The following SORCS3 variants were observed in gnomAD, a reference collection of about 807,000 sequenced individuals.
SORCS3 encodes the protein sortilin related VPS10 domain containing receptor 3, also known as VPS10 domain-containing receptor SorCS3.
SORCS3 carries 57 observed loss-of-function variants against 146.3 expected under a neutral mutation model. The observed-to-expected ratio is 0.39, with a 90% CI of 0.31 to 0.49. SORCS3 has a LOEUF of 0.49. SORCS3 is among the 20% of genes least tolerant of loss of function. The pLI is 0.92. For missense variants in SORCS3, 1,341 were observed against 1,575.5 expected (o/e 0.85, Z 2.52); for synonymous variants, 653 against 618.5 (o/e 1.06, Z -0.83).
intron 2 of SORCS3, among the ~76,000 whole-genome samples, chr10:104,897,429 T>C (rs1356101396): frequency 1.3e-5 from 2 of 152,218 alleles, no homozygotes; most frequent in Non-Finnish European, 2.9e-5. Context: ...GGGAGGCTTC[T>C]TGCATCACAG....
At chr10:105,241,533 GAC>G (rs983446403) in intron 20 of SORCS3, among the ~76,000 whole-genome samples, 1 of 152,230 alleles carries the variant, frequency 6.6e-6, no homozygotes, top group Non-Finnish European at 1.5e-5. Flanking sequence ...GGGCCAGTGT[GAC>G]AGTCTTTCTG....
At chr10:104,642,022 G>GGGGGGGGGGGGGGGGGGGGGGGGCCCCCC in intron 1 of SORCS3, 68 bp downstream of exon 1, 2 of 173,336 alleles carry the variant, frequency 1.2e-5, no homozygotes, top group African/African-American at 4.4e-5. Context: ...GGGTGGGTGG[G>GGGGGGGGGGGGGGGGGGGGGGGGCCCCCC]AGCGAGGGAC....
chr10:104,817,719 C>T (rs1446987590), intron 1 of SORCS3, among the ~76,000 whole-genome samples: 2 of 130,222 alleles, frequency 1.5e-5, no homozygotes, highest in African/African-American at 5.9e-5. Context: ...TCCCTCCCCT[C>T]CTCCTCTTCC....
chr10:105,254,351 A>G (rs966742518), intron 23 of SORCS3, among the ~76,000 whole-genome samples: 1 of 152,222 alleles, frequency 6.6e-6, no homozygotes, highest in Admixed American at 6.5e-5. Flanking sequence ...AGAGGGTTAT[A>G]AAGGCATGGA....
At chr10:105,243,995 C>T (rs1051022175) in intron 20 of SORCS3, among the ~76,000 whole-genome samples, 6 of 152,112 alleles carry the variant, frequency 3.9e-5, no homozygotes, top group African/African-American at 1.4e-4. Context: ...CAGCTCTGTG[C>T]TTCTGCAGCT....
intron 2 of SORCS3, among the ~76,000 whole-genome samples, chr10:104,895,049 A>G (rs77022062): frequency 5.3e-5 from 8 of 152,170 alleles, no homozygotes; most frequent in East Asian, 3.9e-4. Flanking sequence ...GTGGGGCTCC[A>G]GTGTGGTATG....
chr10:104,865,053 A>G (rs949988956), intron 2 of SORCS3, among the ~76,000 whole-genome samples: 1 of 152,182 alleles, frequency 6.6e-6, no homozygotes, highest in Non-Finnish European at 1.5e-5. Flanking sequence ...ACTTGTTATA[A>G]TAGTACCACT....
chr10:105,242,170 T>G (rs2056827388), intron 20 of SORCS3, among the ~76,000 whole-genome samples: 2 of 150,110 alleles, frequency 1.3e-5, no homozygotes, highest in South Asian at 4.2e-4. Context: ...ATTCTACCAT[T>G]TTACATTTCC....
chr10:105,110,394 C>T (rs1196540451), intron 7 of SORCS3, among the ~76,000 whole-genome samples: 1 of 151,842 alleles, frequency 6.6e-6, no homozygotes, highest in Non-Finnish European at 1.5e-5. Context: ...ATTTGTTTTT[C>T]CTGTCCCTTT....
At chr10:105,121,310 A>G (rs534713562) in intron 7 of SORCS3, among the ~76,000 whole-genome samples, 2 of 152,190 alleles carry the variant, frequency 1.3e-5, no homozygotes, top group Non-Finnish European at 2.9e-5. Context: ...TTATTTAATA[A>G]AACTTTAATC....
intron 19 of SORCS3, among the ~76,000 whole-genome samples, chr10:105,221,357 ACTACTAC>A (rs1159170894): frequency 1.3e-5 from 2 of 152,190 alleles, no homozygotes; most frequent in Admixed American, 6.5e-5. Flanking sequence ...CCTTAGAGGG[ACTACTAC>A]CCAATGACAG....
At chr10:105,019,548 T>A (rs765189192) in intron 4 of SORCS3, among the ~76,000 whole-genome samples, 231 of 152,214 alleles carry the variant, frequency 1.5e-3, no homozygotes, top group Non-Finnish European at 2.7e-3. Flanking sequence ...AGTGCCACTT[T>A]TCCATGAGGC....
At chr10:105,013,658 A>G (rs1055818509) in intron 4 of SORCS3, among the ~76,000 whole-genome samples, 12 of 152,246 alleles carry the variant, frequency 7.9e-5, no homozygotes, top group African/African-American at 2.9e-4. Flanking sequence ...AAATCTTAAA[A>G]CTCTTAAAAG....
intron 4 of SORCS3, among the ~76,000 whole-genome samples, chr10:105,004,570 T>C (rs1251611819): frequency 5.3e-5 from 8 of 152,104 alleles, no homozygotes; most frequent in Non-Finnish European, 1.0e-4. Context: ...TAACCTCTCC[T>C]CTCCTCTTCT....
intron 1 of SORCS3, among the ~76,000 whole-genome samples, chr10:104,756,696 A>G (rs2017056612): frequency 6.6e-6 from 1 of 152,204 alleles, no homozygotes; most frequent in Admixed American, 6.5e-5. Context: ...TGCCTGTGGC[A>G]TCCAGGCGGG....
At chr10:105,139,313 T>G in intron 7 of SORCS3, 84 bp from the exon 8 acceptor site, 1 of 983,626 alleles carries the variant, frequency 1.0e-6, no homozygotes, top group South Asian at 1.4e-5. Context: ...CCCATTGTGG[T>G]TGTTGATAGA....
intron 1 of SORCS3, among the ~76,000 whole-genome samples, chr10:104,698,540 C>T (rs374542433): frequency 1.3e-5 from 2 of 152,166 alleles, no homozygotes; most frequent in East Asian, 3.8e-4. Flanking sequence ...TTCTCTTTAA[C>T]AGAGGCACAC....
At position 105,262,106 on chromosome 10, in the gene SORCS3, T is replaced by C. The variant is rs1034093393; in HGVS notation, c.3444-225T>C. On this transcript the variant is annotated intron_variant, in intron 25 of 26. Coordinates refer to ENST00000369701, the MANE Select transcript of SORCS3 (RefSeq NM_014978.3). ...TTACCCACAGGAAAAGGTGCATTCC[T>C]CAGGGAGTTCTATGGTTTACATCTT... Among the ~76,000 whole-genome samples, 16 of 152,200 alleles carry C rather than the reference T, an allele frequency of 1.1e-4. 1 individual carries two copies. Among genetic ancestry groups the C allele is most frequent in the African/African-American group, 2.2e-4 (9 of 41,458 alleles).
intron 13 of SORCS3, among the ~76,000 whole-genome samples, chr10:105,168,341 G>A (rs1315434187): frequency 6.6e-6 from 1 of 152,094 alleles, no homozygotes; most frequent in African/African-American, 2.4e-5. Context: ...TGATGATGAC[G>A]ACGATGACAA....
Sources: allele counts gnomAD v4.1 joint callset (sites outside exome capture counted in the v4.1 genomes callset), GRCh38; gene constraint gnomAD v4.1.1; transcripts MANE v1.5; gene names NCBI Gene and HGNC (gene_info 2026-07-23, HGNC 2026-07-21).